The following TMEM240 variants were observed in gnomAD, a reference collection of about 807,000 sequenced individuals.
The protein encoded by TMEM240 is transmembrane protein 240, also known as transmembrane protein C1orf70.
TMEM240 carries 3 observed loss-of-function variants against 19.5 expected under a neutral mutation model. That is an observed-to-expected ratio of 0.15 (90% CI 0.07 to 0.40). The LOEUF (loss-of-function observed/expected upper bound fraction) is 0.40. TMEM240 is among the 10% of genes least tolerant of loss of function. The pLI is 1.00. For missense variants in TMEM240, 210 were observed against 253.5 expected (o/e 0.83, Z 1.17); for synonymous variants, 123 against 109.3 (o/e 1.13, Z -0.78).
Position 1,539,816 on chromosome 1 carries a change from G to T in TMEM240, c.58-26C>A, listed in dbSNP as rs1316430898. The T allele has an allele frequency of 5.2e-6, 8 of 1,534,096 alleles. No individual in the cohort carries two copies. The African/African-American group carries it at 1.1e-4, about 21-fold the overall frequency. The stretch of plus-strand genomic sequence containing the variant: ...CTGGAAGAGCTCATGACCGGTCAGC[G>T]CCAAGGAGCGGGCGGGACGAAGCGG... On this transcript the variant is annotated intron_variant, in intron 1 of 3. Transcript: ENST00000378733.
chr1:1,539,550 C>T (rs900557916), intron 2 of TMEM240, 134 bp downstream of exon 2: 10 of 743,918 alleles, frequency 1.3e-5, no homozygotes, highest in Non-Finnish European at 2.2e-5. Context: ...AGCTCCTCCC[C>T]CTGCGCACCT....
At position 1,535,769 on chromosome 1, in the gene TMEM240, C is replaced by T. The variant is rs755349243; in HGVS notation, c.193G>A (p.Asp65Asn). 70 of 1,550,014 alleles carry T rather than the reference C, an allele frequency of 4.5e-5. No individual in the cohort carries two copies. Among genetic ancestry groups the T allele is most frequent in the Admixed American group, 2.6e-4 (13 of 50,964 alleles). Residue 65 changes from aspartate to asparagine, a missense_variant, in exon 3 of 4, where the codon GAC becomes AAC. Physicochemically the swap from Asp to Asn is conservative, Grantham distance 23. This residue lies in a region of TMEM240 where 157 missense variants were observed against 168.2 expected (regional missense o/e 0.93). Transcript: ENST00000378733. The surrounding 1 kb of genome is among the most constrained non-coding windows in gnomAD (Gnocchi z 8.2). ...RHHIHYVIPY[D>N]GDQSVVDASE... ...GCGTCCACCACCGACTGGTCCCCGT[C>T]GTACGGGATCACGTAGTGGATATGG...
Position 1,535,152 on chromosome 1 carries a change from C to T in TMEM240, c.*207G>A, listed in dbSNP as rs1642190963. 2.0e-6 allele frequency: 1 copy of T among 506,788 alleles called. No homozygotes were observed. The highest frequency in any genetic ancestry group is 3.9e-5 in the East Asian group (1 of 25,744). The allele number at this position is 506,788 out of a possible 1,614,324, so 31.4% of individuals were successfully genotyped here. A position where few individuals can be genotyped will look rare whatever the true frequency, so the allele number is the denominator to read the frequency against. On this transcript the variant is annotated 3_prime_UTR_variant, in exon 4 of 4. Transcript: ENST00000378733. The surrounding 1 kb of genome is among the most constrained non-coding windows in gnomAD (Gnocchi z 8.2). ...CCCCAACTGCAGGGTCTCCCCTAACCCAACCCCCACCCTAGCCCACACCCC... is the reference window on the plus strand; with the variant it reads ...CCCCAACTGCAGGGTCTCCCCTAACTCAACCCCCACCCTAGCCCACACCCC...
chr1:1,536,093 C>T lies in TMEM240; in HGVS notation c.165-296G>A, dbSNP rs1025670478. Among the ~76,000 whole-genome samples, 4 of 152,226 alleles carry T rather than the reference C, an allele frequency of 2.6e-5. No individual in the cohort carries two copies. Among genetic ancestry groups the T allele is most frequent in the East Asian group, 1.9e-4 (1 of 5,162 alleles). ...TCGGCCCTCACTCAGCACCTCCTCCCTGAGGCCTGGAGCTCACGGGAAGGT... is the reference window on the plus strand; with the variant it reads ...TCGGCCCTCACTCAGCACCTCCTCCTTGAGGCCTGGAGCTCACGGGAAGGT... On this transcript the variant is annotated intron_variant, in intron 2 of 3. Coordinates refer to ENST00000378733, the MANE Select transcript of TMEM240 (RefSeq NM_001114748.2). This position sits in a 1 kb window ranked among gnomAD's most constrained non-coding sequence, Gnocchi z 5.4.
At chr1:1,537,452 C>T (rs1570371730) in intron 2 of TMEM240, among the ~76,000 whole-genome samples, 3 of 152,112 alleles carry the variant, frequency 2.0e-5, no homozygotes, top group South Asian at 4.1e-4. Flanking sequence ...CTCACCCACC[C>T]CAGGGGCTCA....
intron 2 of TMEM240, chr1:1,539,163 T>G (rs1570373210): frequency 6.3e-6 from 1 of 158,764 alleles, no homozygotes; most frequent in Non-Finnish European, 1.4e-5. Context: ...GTGCGGGGGG[T>G]CTGGGCGCTC....
chr1:1,535,296 G>A lies in TMEM240; in HGVS notation c.*63C>T, dbSNP rs1215164703. On this transcript the variant is annotated 3_prime_UTR_variant, in exon 4 of 4. Transcript: ENST00000378733. This position sits in a 1 kb window ranked among gnomAD's most constrained non-coding sequence, Gnocchi z 8.2. ...GTCCCGCCGGCCCGGGCGTCCACGA[G>A]GTCCCTTTTACATCTGTACAGCAGC... The A allele has an allele frequency of 4.0e-6, 6 of 1,514,116 alleles. No homozygotes were observed. Among genetic ancestry groups the A allele is most frequent in the Non-Finnish European group, 5.3e-6 (6 of 1,126,004 alleles). 93.8% of individuals were successfully genotyped at this position (1,514,116 alleles called of 1,614,324 possible). A position where few individuals can be genotyped will look rare whatever the true frequency, so the allele number is the denominator to read the frequency against.
intron 1 of TMEM240, 62 bp downstream of exon 1, chr1:1,540,228 T>C: frequency 3.6e-6 from 3 of 838,448 alleles, no homozygotes; most frequent in South Asian, 4.7e-5. Context: ...GCGCGGGAGG[T>C]GGGCCAGGCG....
Position 1,539,748 on chromosome 1 carries a change from A to G in TMEM240, c.100T>C (p.Phe34Leu). 2 of 1,547,792 alleles carry G rather than the reference A, an allele frequency of 1.3e-6. No homozygotes were observed. Among genetic ancestry groups the G allele is most frequent in the Non-Finnish European group, 1.7e-6 (2 of 1,146,384 alleles). ...LMDMNALLDR[F>L]HNYILPHLRG... ...AGGTGCGGGAGGATGTAGTTGTGGA[A>G]TCGGTCCAGCAGCGCGTTCATGTCC... The change falls in exon 2 of 4, where the codon TTC (phenylalanine) becomes CTC (leucine). Residue 34 changes from phenylalanine (F) to leucine (L), a missense_variant. Phe to Leu is a conservative substitution (Grantham distance 22, BLOSUM62 0). This residue lies in a region of TMEM240 where 23 missense variants were observed against 57.7 expected (regional missense o/e 0.40). Coordinates refer to ENST00000378733, the MANE Select transcript of TMEM240 (RefSeq NM_001114748.2).
chr1:1,540,406 G>A lies in TMEM240; in HGVS notation c.-60C>T, dbSNP rs1160358650. ...CCGGCCCCGGCGCCCCCCCGGCCCC[G>A]GCCCGATGCTGAGCCCCCGCCGCCT... On this transcript the variant is annotated 5_prime_UTR_variant, in exon 1 of 4. Transcript: ENST00000378733. 14 of 729,070 alleles carry A rather than the reference G, an allele frequency of 1.9e-5. No individual in the cohort carries two copies. The highest frequency in any genetic ancestry group is 1.3e-4 in the South Asian group (2 of 15,592). 45.2% of individuals were successfully genotyped at this position (729,070 alleles called of 1,614,324 possible). A position where few individuals can be genotyped will look rare whatever the true frequency, so the allele number is the denominator to read the frequency against.
At chr1:1,537,872 CG>C (rs1409964509) in intron 2 of TMEM240, among the ~76,000 whole-genome samples, 5 of 152,212 alleles carry the variant, frequency 3.3e-5, no homozygotes, top group African/African-American at 1.2e-4. Context: ...CGTGCATGGA[CG>C]GATGTCTAGT....
At chr1:1,539,861 A>G (rs1570373737) in intron 1 of TMEM240, 71 bp from the exon 2 acceptor site, 2 of 778,100 alleles carry the variant, frequency 2.6e-6, no homozygotes, top group Non-Finnish European at 1.9e-6. Flanking sequence ...TGGGGAGCGC[A>G]GGCCGGGGTC....
Position 1,539,558 on chromosome 1 carries a change from C to G in TMEM240, c.164+126G>C, listed in dbSNP as rs1329816528. 7.5e-6 allele frequency: 6 copies of G among 796,212 alleles called. No homozygotes were observed. In the East Asian group the frequency reaches 1.4e-4, roughly 19 times the overall value. The allele number at this position is 796,212 out of a possible 1,614,324, so 49.3% of individuals were successfully genotyped here. A position where few individuals can be genotyped will look rare whatever the true frequency, so the allele number is the denominator to read the frequency against. On this transcript the variant is annotated intron_variant, in intron 2 of 3. Coordinates refer to ENST00000378733, the MANE Select transcript of TMEM240 (RefSeq NM_001114748.2). ...TTGAGACAGCTCCTCCCCCTGCGCA[C>G]CTGGCAGCCCTCAAGGGTGGAAGGC...
In TMEM240 at chr1:1,535,923, C is replaced by CCCAT; in HGVS notation, c.165-127_165-126insATGG. On this transcript the variant is annotated intron_variant, in intron 2 of 3. Transcript: ENST00000378733. The surrounding 1 kb of genome is among the most constrained non-coding windows in gnomAD (Gnocchi z 8.2). ...CCCTGGGGGTTCTCTGAAGCAGCCT[C>CCCAT]TTGGGCGGGCGGGTCGGGAAGGGGG... 2.5e-6 allele frequency: 1 copy of CCCAT among 404,330 alleles called. No individual in the cohort carries two copies. The highest frequency in any genetic ancestry group is 4.9e-6 in the Non-Finnish European group (1 of 202,510). The allele number at this position is 404,330 out of a possible 1,614,324, so 25.0% of individuals were successfully genotyped here.
rs1258393044 is a variant in TMEM240 at position 1,535,365 on chromosome 1, G to A, written c.516C>T (p.His172=). The change falls in exon 4 of 4, where the codon CAC becomes CAT. Residue 172 remains histidine (H), a synonymous_variant. Coordinates refer to ENST00000378733, the MANE Select transcript of TMEM240 (RefSeq NM_001114748.2). The surrounding 1 kb of genome is among the most constrained non-coding windows in gnomAD (Gnocchi z 8.2). Reference sequence around the variant, plus strand: ...CGGTAAGTCCCCGTGCGGCTCACAGGTGCCGCGGGCTGGGGTGGCCATTGT... The same window carrying A: ...CGGTAAGTCCCCGTGCGGCTCACAGATGCCGCGGGCTGGGGTGGCCATTGT... ...LYHNGHPSPR[H]L The A allele has an allele frequency of 6.5e-7, 1 of 1,549,338 alleles. No individual in the cohort carries two copies. Among genetic ancestry groups the A allele is most frequent in the Admixed American group, 2.0e-5 (1 of 50,934 alleles).
In TMEM240 at chr1:1,536,938, C is replaced by A. The variant is rs1319612351; in HGVS notation, c.165-1141G>T. The stretch of plus-strand genomic sequence containing the variant: ...CCCCACCTTCCCCTCGGTGACGTAG[C>A]AGCGCCTCAGCCTGGTTTTCAGCCG... On this transcript the variant is annotated intron_variant, in intron 2 of 3. Transcript: ENST00000378733. The surrounding 1 kb of genome is among the most constrained non-coding windows in gnomAD (Gnocchi z 5.4). Among the ~76,000 whole-genome samples the A allele has an allele frequency of 6.6e-6, 1 of 151,498 alleles. No homozygotes were observed. Among genetic ancestry groups the A allele is most frequent in the Non-Finnish European group, 1.5e-5 (1 of 67,994 alleles).
At chr1:1,537,863 G>A (rs1184967345) in intron 2 of TMEM240, among the ~76,000 whole-genome samples, 2 of 152,240 alleles carry the variant, frequency 1.3e-5, no homozygotes, top group Non-Finnish European at 2.9e-5. Flanking sequence ...GCCACGTCAC[G>A]TGCATGGACG....
chr1:1,535,258 G>C lies in TMEM240; in HGVS notation c.*101C>G. The stretch of plus-strand genomic sequence containing the variant: ...CACAGCCCCGGACAACCTGGGCCCA[G>C]GGCTGCTGTCCAGTCCCGCCGGCCC... On this transcript the variant is annotated 3_prime_UTR_variant, in exon 4 of 4. Coordinates refer to ENST00000378733, the MANE Select transcript of TMEM240 (RefSeq NM_001114748.2). The surrounding 1 kb of genome is among the most constrained non-coding windows in gnomAD (Gnocchi z 8.2). The C allele has an allele frequency of 7.3e-7, 1 of 1,373,790 alleles. No individual in the cohort carries two copies. The highest frequency in any genetic ancestry group is 9.8e-7 in the Non-Finnish European group (1 of 1,023,208). 85.1% of individuals were successfully genotyped at this position (1,373,790 alleles called of 1,614,324 possible). A position where few individuals can be genotyped will look rare whatever the true frequency, so the allele number is the denominator to read the frequency against.
rs554736432 is a variant in TMEM240, at chr1:1,535,563, C to G, written c.373+26G>C. The G allele has an allele frequency of 6.5e-7, 1 of 1,544,894 alleles. No homozygotes were observed. The highest frequency in any genetic ancestry group is 2.0e-5 in the Admixed American group (1 of 50,790). ...GGGGCCGGCCAGGGCGGCAGCACTC[C>G]CGGGCGGCGGGCACGAGGCACTCAC... On this transcript the variant is annotated intron_variant, in intron 3 of 3. Transcript: ENST00000378733. This position sits in a 1 kb window ranked among gnomAD's most constrained non-coding sequence, Gnocchi z 8.2.
Sources: allele counts gnomAD v4.1 joint callset (sites outside exome capture counted in the v4.1 genomes callset), GRCh38; gene constraint gnomAD v4.1.1; regional missense constraint gnomAD v4.1.1; non-coding constraint Gnocchi (gnomAD v3.1); transcripts MANE v1.5; gene names NCBI Gene and HGNC (gene_info 2026-07-23, HGNC 2026-07-21).